DNAH6: variants seen among roughly 807,000 people sequenced by gnomAD.
The protein encoded by DNAH6 is dynein axonemal heavy chain 6.
In DNAH6, 340 loss-of-function variants were observed where a neutral mutation model predicts 491.4. The observed-to-expected ratio is 0.69, with a 90% CI of 0.63 to 0.76. The LOEUF (loss-of-function observed/expected upper bound fraction) is 0.76. DNAH6 is among the 30% of genes least tolerant of loss of function. The probability of loss-of-function intolerance (pLI) is 0.00; values close to 1 mark genes in which losing one functional copy is unlikely to be tolerated. For missense variants in DNAH6, 4,443 were observed against 4,972.2 expected, an observed-to-expected ratio of 0.89 and a Z score of 3.20; for synonymous variants, 1,603 against 1,686.1, an observed-to-expected ratio of 0.95 and a Z score of 1.21.
chr2:84,691,742 C>G (rs1694865249), intron 45 of DNAH6, among the ~76,000 whole-genome samples: 1 of 152,154 alleles, frequency 6.6e-6, no homozygotes, highest in Non-Finnish European at 1.5e-5. Context: ...ATTTGAATTT[C>G]AAAGGATTTT....
At chr2:84,584,386 T>A in intron 15 of DNAH6, 136 bp downstream of exon 15, 1 of 894,978 alleles carries the variant, frequency 1.1e-6, no homozygotes, top group East Asian at 2.7e-5. Flanking sequence ...TACGTATACA[T>A]TGTGAAATTG....
At chr2:84,667,646 T>C (rs573987700) in intron 37 of DNAH6, among the ~76,000 whole-genome samples, 42 of 152,324 alleles carry the variant, frequency 2.8e-4, no homozygotes, top group African/African-American at 9.1e-4. Flanking sequence ...TTGGTGGGAC[T>C]GTAAACTAGT....
At position 84,642,012 on chromosome 2, in the gene DNAH6, C is replaced by T; in HGVS notation, c.5036C>T (p.Ser1679Phe). 1 of 1,550,972 alleles carries T rather than the reference C, an allele frequency of 6.4e-7. No individual in the cohort carries two copies. The highest frequency in any genetic ancestry group is 2.0e-5 in the Admixed American group (1 of 50,972). The change falls in exon 33 of 77, where the codon TCC becomes TTC. Residue 1679 changes from serine (S) to phenylalanine (F), a missense_variant. Physicochemically the swap from Ser to Phe is radical, Grantham distance 155. Around this residue, in one of 3 missense-constraint regions of DNAH6, gnomAD observed 2,977 missense variants for 3,296.6 expected, o/e 0.90. Coordinates refer to ENST00000389394, the MANE Select transcript of DNAH6 (RefSeq NM_001370.2). ...GTGTTGATAAGAGCTTTACAAGACT[C>T]CAATTTGCCAAAATTTCTAACAGAT... ...DVVLIRALQD[S>F]NLPKFLTDDA...
chr2:84,713,219 A>AT lies in DNAH6; in HGVS notation c.9504dup (p.Met3169TyrfsTer13). ...GATTATGACAAAAACTTTAGGTTCTATATGACAACCAAAATGCCAAATCCC... is the reference window on the plus strand; with the variant it reads ...GATTATGACAAAAACTTTAGGTTCTATTATGACAACCAAAATGCCAAATCCC... On this transcript the variant is annotated frameshift_variant, in exon 57 of 77. Transcript: ENST00000389394. LOFTEE classifies it high-confidence loss of function. 6.4e-7 allele frequency: 1 copy of AT among 1,552,226 alleles called. No homozygotes were observed. The highest frequency in any genetic ancestry group is 8.7e-7 in the Non-Finnish European group (1 of 1,147,088).
intron 22 of DNAH6, 86 bp downstream of exon 22, chr2:84,611,940 G>A (rs1462263329): frequency 8.1e-7 from 1 of 1,227,234 alleles, no homozygotes; most frequent in African/African-American, 1.5e-5. Context: ...TGTTTCTCTG[G>A]GAATCTAATA....
At position 84,595,779 on chromosome 2, in the gene DNAH6, T is replaced by G; in HGVS notation, c.2858T>G (p.Met953Arg). The change falls in exon 18 of 77, where the codon ATG (methionine) becomes AGG (arginine). Residue 953 changes from methionine to arginine, a missense_variant. Physicochemically the swap from Met to Arg is moderately conservative, Grantham distance 91 (BLOSUM62 -1). This residue lies in a region of DNAH6 where 2,977 missense variants were observed against 3,296.6 expected (regional missense o/e 0.90). Coordinates refer to ENST00000389394, the MANE Select transcript of DNAH6 (RefSeq NM_001370.2). The part of the protein sequence containing the change: ...VPQLKYKVEK[M>R]KEKLPVIIDL... ...CAGCTCAAATACAAGGTGGAAAAAA[T>G]GAAAGAAAAGGTAAGGTTGGTAGAA... 6.5e-7 allele frequency: 1 copy of G among 1,544,740 alleles called. No individual in the cohort carries two copies. The highest frequency in any genetic ancestry group is 8.7e-7 in the Non-Finnish European group (1 of 1,144,784).
chr2:84,508,425 AT>A, the DNAH6 span, among the ~76,000 whole-genome samples: 1 of 152,040 alleles, frequency 6.6e-6, no homozygotes, highest in Non-Finnish European at 1.5e-5. Context: ...CCCCTTTATC[AT>A]TTTTTATTGC....
At chr2:84,659,352 C>T (rs1691264781) in intron 37 of DNAH6, among the ~76,000 whole-genome samples, 183 bp downstream of exon 37, 4 of 152,060 alleles carry the variant, frequency 2.6e-5, no homozygotes, top group Admixed American at 2.6e-4. Context: ...TAGGAGCCCT[C>T]TCCCAGTCAT....
At chr2:84,682,144 A>G (rs559489080) in intron 42 of DNAH6, among the ~76,000 whole-genome samples, 24 of 152,268 alleles carry the variant, frequency 1.6e-4, no homozygotes, top group East Asian at 9.7e-4. Context: ...CTATACGTCA[A>G]TCAAAGTTGT....
intron 10 of DNAH6, among the ~76,000 whole-genome samples, chr2:84,555,348 A>G (rs1414137436): frequency 6.6e-6 from 1 of 152,174 alleles, no homozygotes; most frequent in Non-Finnish European, 1.5e-5. Flanking sequence ...GCCTCTTGAA[A>G]TAGACTCCTC....
chr2:84,641,053 A>G (rs750266442), intron 32 of DNAH6, among the ~76,000 whole-genome samples: 8 of 152,146 alleles, frequency 5.3e-5, no homozygotes, highest in Non-Finnish European at 7.4e-5. Flanking sequence ...CTGTCTTTAT[A>G]ACGTGGCCCA....
rs143397702 is a variant in DNAH6 at position 84,793,699 on chromosome 2, T to C, written c.11240-2607T>C. On this transcript the variant is annotated intron_variant, in intron 68 of 76. Coordinates refer to ENST00000389394, the MANE Select transcript of DNAH6 (RefSeq NM_001370.2). The stretch of plus-strand genomic sequence containing the variant: ...AACATCTCCTTTTTACATCTTGGAA[T>C]TGCCGATACAGGGATTCAGCAACTT... Among the ~76,000 whole-genome samples the C allele has an allele frequency of 9.8e-4, 150 of 152,326 alleles. 4 individuals carry two copies. In the East Asian group the frequency reaches 0.027, roughly 28 times the overall value.
At chr2:84,638,964 A>C (rs1689126431) in intron 31 of DNAH6, among the ~76,000 whole-genome samples, 1 of 152,132 alleles carries the variant, frequency 6.6e-6, no homozygotes, top group African/African-American at 2.4e-5. Flanking sequence ...TTACTATTGC[A>C]AAGCAGCACC....
rs149148685 is a variant in DNAH6 at position 84,609,899 on chromosome 2, C to T, written c.3295-1775C>T. On this transcript the variant is annotated intron_variant, in intron 21 of 76. Coordinates refer to ENST00000389394, the MANE Select transcript of DNAH6 (RefSeq NM_001370.2). ...ATGAAGCACAATAAAACAAAGCATGCCCATATTATTATTTTGCTGTGAAAC... is the reference window on the plus strand; with the variant it reads ...ATGAAGCACAATAAAACAAAGCATGTCCATATTATTATTTTGCTGTGAAAC... Among the ~76,000 whole-genome samples, 309 of 152,144 alleles carry T rather than the reference C, an allele frequency of 2.0e-3. 1 individual carries two copies. The highest frequency in any genetic ancestry group is 3.8e-3 in the Non-Finnish European group (258 of 67,978).
Position 84,781,772 on chromosome 2 carries a change from G to T in DNAH6, c.10864+119G>T, listed in dbSNP as rs1336047831. ...CACTGTGTTTCCATATATGAAAGAG[G>T]AGAAATTTGAGGCCTAGACAGATTT... is the stretch of plus-strand genomic sequence containing the variant. On this transcript the variant is annotated intron_variant, in intron 65 of 76. Coordinates refer to ENST00000389394, the MANE Select transcript of DNAH6 (RefSeq NM_001370.2). The T allele has an allele frequency of 5.7e-6, 7 of 1,221,608 alleles. No individual in the cohort carries two copies. The African/African-American group carries it at 1.1e-4, about 19-fold the overall frequency. The allele number at this position is 1,221,608 out of a possible 1,614,324, so 75.7% of individuals were successfully genotyped here.
intron 4 of DNAH6, among the ~76,000 whole-genome samples, chr2:84,536,674 T>G (rs1010141853): frequency 1.3e-5 from 2 of 151,954 alleles, no homozygotes; most frequent in Non-Finnish European, 2.9e-5. Context: ...AAAAGGGAGT[T>G]TTCATCTGTC....
chr2:84,747,363 A>T (rs749578803), intron 63 of DNAH6, among the ~76,000 whole-genome samples: 69 of 152,318 alleles, frequency 4.5e-4, no homozygotes, highest in Middle Eastern at 6.8e-3. Context: ...CAAAAGGGAG[A>T]AATCAGCCAA....
intron 45 of DNAH6, 43 bp from the exon 46 acceptor site, chr2:84,694,206 T>C: frequency 6.6e-7 from 1 of 1,523,208 alleles, no homozygotes. Context: ...GCAGGAGCCA[T>C]GTCTGTGAAC....
In DNAH6 at chr2:84,525,701, A is replaced by C. The variant is rs997279727; in HGVS notation, c.362A>C (p.Gln121Pro). 1 of 1,548,014 alleles carries C rather than the reference A, an allele frequency of 6.5e-7. No individual in the cohort carries two copies. The highest frequency in any genetic ancestry group is 8.7e-7 in the Non-Finnish European group (1 of 1,145,604). Residue 121 changes from glutamine to proline, a missense_variant, in exon 3 of 77, where the codon CAG (glutamine) becomes CCG (proline). By Grantham distance (76) the Gln-to-Pro change is moderately conservative. This residue lies in a region of DNAH6 where 2,977 missense variants were observed against 3,296.6 expected (regional missense o/e 0.90). Transcript: ENST00000389394. Reference sequence around the variant, plus strand: ...AAAAGTTTTGCCACATCATCTACTCAGTTTCTTGAGCATCAAGATGCTGTG... The same window carrying C: ...AAAAGTTTTGCCACATCATCTACTCCGTTTCTTGAGCATCAAGATGCTGTG... ...AKKSFATSST[Q>P]FLEHQDAVKK... is the part of the protein sequence containing the mutation.
Sources: gnomAD v4.1 joint callset for allele counts (sites outside exome capture counted in the v4.1 genomes callset) on GRCh38, gnomAD v4.1.1 for gene constraint, gnomAD v4.1.1 regional missense constraint, MANE v1.5 for transcripts, NCBI Gene and HGNC (gene_info 2026-07-23, HGNC 2026-07-21) for gene names.